The following LAMA3 variants were observed in gnomAD, a reference collection of about 807,000 sequenced individuals.
LAMA3 encodes the protein laminin subunit alpha-3.
LAMA3 carries 281 observed loss-of-function variants against 402.0 expected under a neutral mutation model. The observed-to-expected ratio is 0.70, with a 90% CI of 0.63 to 0.77. The LOEUF (loss-of-function observed/expected upper bound fraction) is 0.77. Ranked by LOEUF, LAMA3 falls within the 30% of genes least tolerant of loss-of-function variation. The pLI is 0.00. For missense variants in LAMA3, 3,840 were observed against 4,215.5 expected, an observed-to-expected ratio of 0.91 and a Z score of 2.47; for synonymous variants, 1,431 against 1,558.4, an observed-to-expected ratio of 0.92 and a Z score of 1.93.
At chr18:23,849,039 C>T (rs991488918) in intron 32 of LAMA3, among the ~76,000 whole-genome samples, 1 of 152,244 alleles carries the variant, frequency 6.6e-6, no homozygotes, top group Non-Finnish European at 1.5e-5. Context: ...ACCAGTCATA[C>T]TGGCTTAAGG....
Position 23,928,017 on chromosome 18 carries a change from C to G in LAMA3, c.8178-106C>G, listed in dbSNP as rs2082056271. The G allele has an allele frequency of 1.2e-5, 10 of 815,926 alleles. No individual in the cohort carries two copies. The Admixed American group carries it at 1.7e-4, about 14-fold the overall frequency. 50.5% of individuals were successfully genotyped at this position (815,926 alleles called of 1,614,324 possible). A position where few individuals can be genotyped will look rare whatever the true frequency, so the allele number is the denominator to read the frequency against. ...ATGGGAAAGGATAAACATAAAACAC[C>G]TACTCATTTATGGGTGAAAAGTACT... On this transcript the variant is annotated intron_variant, in intron 62 of 74. Transcript: ENST00000313654.
At position 23,807,967 on chromosome 18, in the gene LAMA3, A is replaced by T. The variant is rs145405207; in HGVS notation, c.1604-2399A>T. Among the ~76,000 whole-genome samples, 13 of 152,330 alleles carry T rather than the reference A, an allele frequency of 8.5e-5. No individual in the cohort carries two copies. The East Asian group carries it at 2.5e-3, about 29-fold the overall frequency. On this transcript the variant is annotated intron_variant, in intron 12 of 74. Coordinates refer to ENST00000313654, the MANE Select transcript of LAMA3 (RefSeq NM_198129.4). Reference sequence around the variant, plus strand: ...GGGACTATGGGCCATGAGAGAAGACAGGTGGAAATGGCAGTAGGAGATCTG... The same window carrying T: ...GGGACTATGGGCCATGAGAGAAGACTGGTGGAAATGGCAGTAGGAGATCTG...
At chr18:23,727,165 A>G (rs1342743213) in intron 2 of LAMA3, among the ~76,000 whole-genome samples, 1 of 152,210 alleles carries the variant, frequency 6.6e-6, no homozygotes, top group African/African-American at 2.4e-5. Flanking sequence ...TGCCTAGGCC[A>G]AAGTCCAGAA....
In LAMA3 at chr18:23,822,565, C is replaced by T. The variant is rs141966135; in HGVS notation, c.2428+190C>T. On this transcript the variant is annotated intron_variant, in intron 20 of 74. Transcript: ENST00000313654. Reference sequence around the variant, plus strand: ...TCTCTAAACAATCACTTAAGTTTTGCTACTGAATTTGTCCTTAACTGTCAT... The same window carrying T: ...TCTCTAAACAATCACTTAAGTTTTGTTACTGAATTTGTCCTTAACTGTCAT... Among the ~76,000 whole-genome samples, 376 of 152,312 alleles carry T rather than the reference C, an allele frequency of 2.5e-3. 2 individuals carry two copies. Among genetic ancestry groups the T allele is most frequent in the African/African-American group, 8.8e-3 (365 of 41,560 alleles).
At chr18:23,793,898 G>A (rs2062711752) in intron 12 of LAMA3, among the ~76,000 whole-genome samples, 1 of 152,196 alleles carries the variant, frequency 6.6e-6, no homozygotes, top group Non-Finnish European at 1.5e-5. Flanking sequence ...TTCAGGTTGG[G>A]GTTCCCGCAA....
chr18:23,800,453 T>G (rs2062846672), intron 12 of LAMA3, among the ~76,000 whole-genome samples: 1 of 152,198 alleles, frequency 6.6e-6, no homozygotes. Flanking sequence ...AGAGTGATAT[T>G]GCCATACATG....
At chr18:23,885,389 A>T (rs948462697) in intron 41 of LAMA3, among the ~76,000 whole-genome samples, 1 of 126,330 alleles carries the variant, frequency 7.9e-6, no homozygotes, top group Non-Finnish European at 1.6e-5. Flanking sequence ...TATATTTTGA[A>T]CACTTTCAGG....
intron 2 of LAMA3, among the ~76,000 whole-genome samples, chr18:23,739,579 G>A (rs1253617485): frequency 6.6e-6 from 1 of 152,180 alleles, no homozygotes; most frequent in East Asian, 1.9e-4. Flanking sequence ...AGATGTAACA[G>A]AAGGAGAAGG....
chr18:23,948,376 C>T (rs1047261860), intron 70 of LAMA3, among the ~76,000 whole-genome samples: 2 of 152,252 alleles, frequency 1.3e-5, no homozygotes, highest in East Asian at 1.9e-4. Context: ...CTCTGAACAC[C>T]GGCACTGCAG....
At chr18:23,701,698 T>C (rs566449177) in intron 1 of LAMA3, among the ~76,000 whole-genome samples, 44 of 152,228 alleles carry the variant, frequency 2.9e-4, no homozygotes, top group Non-Finnish European at 5.3e-4. Context: ...AAGGAAATGA[T>C]TTGCAATTTC....
intron 12 of LAMA3, among the ~76,000 whole-genome samples, chr18:23,788,136 A>G (rs1444057504): frequency 6.6e-6 from 1 of 152,032 alleles, no homozygotes. Context: ...AATAGAGTTT[A>G]TAAAGACACT....
At chr18:23,765,969 AGAC>A (rs2062067558) in intron 8 of LAMA3, among the ~76,000 whole-genome samples, 1 of 152,142 alleles carries the variant, frequency 6.6e-6, no homozygotes, top group African/African-American at 2.4e-5. Context: ...GGAACTGGTG[AGAC>A]AATAGCTAAA....
chr18:23,710,279 C>T (rs1461088304), intron 1 of LAMA3: 7 of 535,316 alleles, frequency 1.3e-5, no homozygotes, highest in Non-Finnish European at 2.0e-5. Flanking sequence ...TCTTCGCCTT[C>T]GGCGCCATCT....
Position 23,949,745 on chromosome 18 carries a change from T to C in LAMA3, c.9352-20T>C, listed in dbSNP as rs375651098. 4 of 1,613,354 alleles carry C rather than the reference T, an allele frequency of 2.5e-6. No individual in the cohort carries two copies. In the African/African-American group the frequency reaches 4.0e-5, roughly 16 times the overall value. ...TTGGAGGTGTAGGTAATGAGCTTTT[T>C]CTTTTCTGCTTGGTTGCAGAGCCTC... On this transcript the variant is annotated intron_variant, in intron 70 of 74. Transcript: ENST00000313654.
rs2145593630 is a variant in LAMA3 at position 23,954,557 on chromosome 18, G to A, written c.9911G>A (p.Arg3304Lys). ...TGGAAATCATTCTTTGGCTGTCTGA[G>A]GAATATTCATGTCAATCACATCCCT... ...PVWKSFFGCL[R>K]NIHVNHIPVP... The change falls in exon 75 of 75, where the codon AGG becomes AAG. Residue 3304 changes from arginine to lysine, a missense_variant. This residue lies in a region of LAMA3 where 840 missense variants were observed against 981.9 expected (regional missense o/e 0.86). Coordinates refer to ENST00000313654, the MANE Select transcript of LAMA3 (RefSeq NM_198129.4). 6.2e-7 allele frequency: 1 copy of A among 1,614,026 alleles called. No homozygotes were observed. The highest frequency in any genetic ancestry group is 8.5e-7 in the Non-Finnish European group (1 of 1,179,964).
chr18:23,701,925 T>C (rs1286810464), intron 1 of LAMA3, among the ~76,000 whole-genome samples: 1 of 151,332 alleles, frequency 6.6e-6, no homozygotes, highest in Non-Finnish European at 1.5e-5. Context: ...TCAAATGGAG[T>C]GAGTGGGGGA....
chr18:23,836,877 T>G (rs1345597494), intron 24 of LAMA3, 104 bp from the exon 25 acceptor site: 5 of 774,896 alleles, frequency 6.5e-6, no homozygotes, highest in East Asian at 5.1e-5. Context: ...ATTCATTCAG[T>G]TATAAACAGG....
Position 23,890,120 on chromosome 18 carries a change from A to G in LAMA3, c.5410+3A>G. 6.3e-7 allele frequency: 1 copy of G among 1,595,870 alleles called. No individual in the cohort carries two copies. Among genetic ancestry groups the G allele is most frequent in the Non-Finnish European group, 8.6e-7 (1 of 1,163,352 alleles). ...CAGCTGTCATCCCCTGACTGGAGGT[A>G]AGGCCGACCCACACCCCTGCTAACT... On this transcript the variant is annotated splice_donor_region_variant and intron_variant, in intron 42 of 74. Transcript: ENST00000313654.
chr18:23,948,622 T>C (rs1599177907), intron 70 of LAMA3, among the ~76,000 whole-genome samples: 2 of 151,584 alleles, frequency 1.3e-5, no homozygotes, highest in Admixed American at 1.3e-4. Context: ...CAGGCTGGAG[T>C]GCAGTAGTAC....
Sources: gnomAD v4.1 joint callset for allele counts (sites outside exome capture counted in the v4.1 genomes callset) on GRCh38, gnomAD v4.1.1 for gene constraint, gnomAD v4.1.1 regional missense constraint, MANE v1.5 for transcripts, NCBI Gene and HGNC (gene_info 2026-07-23, HGNC 2026-07-21) for gene names.